STIM1: variants seen among roughly 807,000 people sequenced by gnomAD.
The protein encoded by STIM1 is stromal interaction molecule 1.
Under a neutral mutation model 74.7 loss-of-function variants are expected in STIM1, and 25 were observed. The observed-to-expected ratio is 0.33, with a 90% CI of 0.24 to 0.47. The LOEUF is 0.47. STIM1 is among the 20% of genes least tolerant of loss of function. STIM1 has a pLI of 1.00. For synonymous variants in STIM1, 328 were observed against 348.8 expected (o/e 0.94, Z 0.66); for missense variants, 728 against 920.8 (o/e 0.79, Z 2.71).
intron 1 of STIM1, among the ~76,000 whole-genome samples, chr11:3,907,182 TG>T (rs748943658): frequency 1.3e-5 from 2 of 152,138 alleles, no homozygotes; most frequent in Non-Finnish European, 2.9e-5. Context: ...CTTGGGAAGC[TG>T]GGGGAAAAAA....
At chr11:4,007,727 T>G (rs1256513737) in intron 2 of STIM1, among the ~76,000 whole-genome samples, 1 of 152,220 alleles carries the variant, frequency 6.6e-6, no homozygotes, top group Non-Finnish European at 1.5e-5. Flanking sequence ...AACTCAGTAC[T>G]TTAGTGTACA....
intron 1 of STIM1, among the ~76,000 whole-genome samples, chr11:3,959,636 C>T (rs536033075): frequency 4.6e-5 from 7 of 152,054 alleles, no homozygotes; most frequent in Non-Finnish European, 7.4e-5. Flanking sequence ...GAGCATAGAA[C>T]AGTGAACAGT....
intron 9 of STIM1, 56 bp from the exon 10 acceptor site, chr11:4,083,207 T>C: frequency 1.3e-6 from 2 of 1,560,492 alleles, no homozygotes; most frequent in Non-Finnish European, 1.8e-6. Context: ...GAGGCTTCAT[T>C]CCTATTGGGG....
At chr11:4,006,862 C>G (rs959737129) in intron 2 of STIM1, among the ~76,000 whole-genome samples, 5 of 152,004 alleles carry the variant, frequency 3.3e-5, no homozygotes, top group Admixed American at 3.3e-4. Context: ...TAGTAGGGAA[C>G]AAGGTTGGAA....
chr11:3,855,638 C>CCGCCCCG (rs1385019266), upstream of STIM1: 4 of 137,078 alleles, frequency 2.9e-5, no homozygotes, highest in Non-Finnish European at 6.4e-5. Context: ...CGCCCCGGGC[C>CCGCCCCG]CGCCCCGCGC....
chr11:4,009,439 C>T (rs891843924), intron 2 of STIM1, among the ~76,000 whole-genome samples: 1 of 151,814 alleles, frequency 6.6e-6, no homozygotes, highest in Non-Finnish European at 1.5e-5. Context: ...ATGCTGAAAC[C>T]CTGCCTCCAC....
intron 1 of STIM1, among the ~76,000 whole-genome samples, chr11:3,922,321 G>GATATGT (rs1297747094): frequency 1.3e-5 from 2 of 152,010 alleles, no homozygotes; most frequent in Non-Finnish European, 2.9e-5. Flanking sequence ...TAGACATATA[G>GATATGT]ATATGTATAT....
intron 1 of STIM1, among the ~76,000 whole-genome samples, chr11:3,867,821 G>C (rs1301405416): frequency 6.6e-6 from 1 of 151,698 alleles, no homozygotes; most frequent in Admixed American, 6.6e-5. Flanking sequence ...CTCTGGCCTA[G>C]GTAATGACCA....
intron 6 of STIM1, 107 bp from the exon 7 acceptor site, chr11:4,074,395 T>C: frequency 1.5e-6 from 2 of 1,327,194 alleles, no homozygotes; most frequent in Non-Finnish European, 2.1e-6. Context: ...GGAGAATATA[T>C]GCTGAGAGTT....
At chr11:3,995,097 T>TA (rs2093651925) in intron 2 of STIM1, among the ~76,000 whole-genome samples, 1 of 138,070 alleles carries the variant, frequency 7.2e-6, no homozygotes, top group African/African-American at 2.6e-5. Flanking sequence ...TTTTTTTTTT[T>TA]AATCTTTGGA....
intron 1 of STIM1, among the ~76,000 whole-genome samples, chr11:3,900,911 C>G (rs991065589): frequency 6.6e-6 from 1 of 152,140 alleles, no homozygotes; most frequent in African/African-American, 2.4e-5. Flanking sequence ...AGTGTAGTGG[C>G]TAGGCACGGT....
Position 4,074,025 on chromosome 11 carries a change from T to C in STIM1, c.792-477T>C, listed in dbSNP as rs138860665. Among the ~76,000 whole-genome samples the C allele has an allele frequency of 1.9e-3, 290 of 152,314 alleles. 2 individuals carry two copies. Among genetic ancestry groups the C allele is most frequent in the African/African-American group, 6.5e-3 (272 of 41,566 alleles). On this transcript the variant is annotated intron_variant, in intron 6 of 12. Coordinates refer to ENST00000526596, the MANE Select transcript of STIM1 (RefSeq NM_001382567.1). The stretch of plus-strand genomic sequence containing the variant: ...AAGCTTGCAGGGTATTCTACATTCA[T>C]TGAACTTTCTAGATACCACTACATA...
intron 8 of STIM1, 94 bp downstream of exon 8, chr11:4,082,445 C>G: frequency 7.7e-7 from 1 of 1,305,156 alleles, no homozygotes; most frequent in Non-Finnish European, 1.1e-6. Context: ...CCCTGTTCCT[C>G]CCATTGGGTG....
chr11:4,049,324 A>ATTTTTTTTTTT (rs369097214), intron 3 of STIM1, among the ~76,000 whole-genome samples: 1 of 133,904 alleles, frequency 7.5e-6, no homozygotes, highest in Admixed American at 7.6e-5. Flanking sequence ...TATCAGCTGG[A>ATTTTTTTTTTT]TTTTTTTTTT....
intron 11 of STIM1, among the ~76,000 whole-genome samples, chr11:4,085,450 T>G (rs1218005293): frequency 6.6e-6 from 1 of 152,230 alleles, no homozygotes; most frequent in Non-Finnish European, 1.5e-5. Flanking sequence ...CATGTATCCC[T>G]TCACTGGGCA....
intron 1 of STIM1, among the ~76,000 whole-genome samples, chr11:3,929,614 C>T (rs1339497640): frequency 1.3e-5 from 2 of 152,158 alleles, no homozygotes; most frequent in Non-Finnish European, 2.9e-5. Context: ...ATATTGGGGT[C>T]ATCTGGCCTA....
At chr11:3,944,548 A>G (rs1054624960) in intron 1 of STIM1, among the ~76,000 whole-genome samples, 2 of 152,228 alleles carry the variant, frequency 1.3e-5, no homozygotes, top group Admixed American at 1.3e-4. Context: ...CTCTTCATCA[A>G]TACTATGTTT....
At chr11:3,998,585 A>G (rs922611916) in intron 2 of STIM1, among the ~76,000 whole-genome samples, 81 of 152,296 alleles carry the variant, frequency 5.3e-4, no homozygotes, top group Non-Finnish European at 2.5e-4. Context: ...TTATTCATTT[A>G]TGTATTCCAG....
At chr11:3,939,947 G>A (rs761378732) in intron 1 of STIM1, among the ~76,000 whole-genome samples, 10 of 152,158 alleles carry the variant, frequency 6.6e-5, no homozygotes, top group Non-Finnish European at 1.0e-4. Context: ...TGTTCCCTAA[G>A]GAGTGGGAAG....
Sources: allele counts gnomAD v4.1 joint callset (sites outside exome capture counted in the v4.1 genomes callset), GRCh38; gene constraint gnomAD v4.1.1; transcripts MANE v1.5; gene names NCBI Gene and HGNC (gene_info 2026-07-23, HGNC 2026-07-21).